ATG7: variants seen among roughly 807,000 people sequenced by gnomAD.
ATG7 encodes autophagy related 7.
In ATG7, 70 loss-of-function variants were observed where a neutral mutation model predicts 82.4. The observed-to-expected ratio is 0.85, with a 90% CI of 0.70 to 1.04. ATG7 has a LOEUF of 1.04. Among genes scored for constraint, ATG7 ranks in the 50% least tolerant of loss-of-function variants. The pLI is 0.00. For missense variants in ATG7, 792 were observed against 864.3 expected, an observed-to-expected ratio of 0.92 and a Z score of 1.05; for synonymous variants, 287 against 313.0, an observed-to-expected ratio of 0.92 and a Z score of 0.88.
the ATG7 span, among the ~76,000 whole-genome samples, chr3:11,566,906 G>A: frequency 2.0e-5 from 3 of 152,200 alleles, no homozygotes; most frequent in Non-Finnish European, 4.4e-5. Flanking sequence ...AAGAGAAGCA[G>A]CATATGGGTG....
intron 19 of ATG7, among the ~76,000 whole-genome samples, chr3:11,383,223 C>T (rs1282861562): frequency 6.6e-6 from 1 of 152,178 alleles, no homozygotes; most frequent in Non-Finnish European, 1.5e-5. Flanking sequence ...GTTGTCGTGT[C>T]TCTGGCTCCC....
chr3:11,430,141 C>T (rs1194730531), intron 20 of ATG7, among the ~76,000 whole-genome samples: 1 of 151,760 alleles, frequency 6.6e-6, no homozygotes, highest in Admixed American at 6.6e-5. Context: ...GCTTATAACC[C>T]GTCTTCAAAA....
intron 20 of ATG7, among the ~76,000 whole-genome samples, chr3:11,493,490 A>AC (rs944544061): frequency 8.5e-5 from 13 of 152,204 alleles, no homozygotes; most frequent in African/African-American, 2.9e-4. Context: ...AGAAGTTCTC[A>AC]CCCTGGGCCA....
chr3:11,430,385 T>A (rs1370403649), intron 20 of ATG7, among the ~76,000 whole-genome samples: 1 of 152,216 alleles, frequency 6.6e-6, no homozygotes, highest in Non-Finnish European at 1.5e-5. Flanking sequence ...TTTACATACT[T>A]GATTCTCAAT....
chr3:11,558,891 C>T, downstream of ATG7: 2 of 1,568,776 alleles, frequency 1.3e-6, no homozygotes, highest in Non-Finnish European at 8.7e-7. Flanking sequence ...GGCACGGTTG[C>T]AGCACCCTCC....
intron 20 of ATG7, among the ~76,000 whole-genome samples, chr3:11,461,646 T>G (rs778328728): frequency 1.3e-5 from 2 of 152,150 alleles, no homozygotes; most frequent in Non-Finnish European, 1.5e-5. Flanking sequence ...AAAATGGTAA[T>G]GTTTGTACTA....
chr3:11,364,747 G>C lies in ATG7; in HGVS notation c.1875+13G>C. The C allele has an allele frequency of 6.2e-7, 1 of 1,613,752 alleles. No homozygotes were observed. The highest frequency in any genetic ancestry group is 8.5e-7 in the Non-Finnish European group (1 of 1,179,658). On this transcript the variant is annotated intron_variant, in intron 18 of 20. Transcript: ENST00000693202. The stretch of plus-strand genomic sequence containing the variant: ...TGTGCCTCACCAGGTTAGTGATGTG[G>C]AAGTGAAATCACAATTCTTTTGGTA...
At chr3:11,455,887 T>C (rs1254569398) in intron 20 of ATG7, among the ~76,000 whole-genome samples, 4 of 152,256 alleles carry the variant, frequency 2.6e-5, no homozygotes, top group Non-Finnish European at 5.9e-5. Context: ...ACCTGTCTTA[T>C]GTTCTTTCAA....
intron 19 of ATG7, among the ~76,000 whole-genome samples, chr3:11,408,569 G>A (rs1205958067): frequency 2.0e-5 from 3 of 152,188 alleles, no homozygotes; most frequent in Admixed American, 1.3e-4. Context: ...ACAAAATTAA[G>A]AGGTTTATTG....
intron 20 of ATG7, among the ~76,000 whole-genome samples, chr3:11,442,121 G>A (rs563312642): frequency 3.3e-5 from 5 of 152,128 alleles, no homozygotes; most frequent in African/African-American, 1.2e-4. Flanking sequence ...TTCTTTCAAC[G>A]GTAACCTGTG....
chr3:11,528,971 A>T (rs1248998692), intron 20 of ATG7, among the ~76,000 whole-genome samples: 1 of 152,196 alleles, frequency 6.6e-6, no homozygotes, highest in African/African-American at 2.4e-5. Context: ...AGAGAGGTAC[A>T]GATAGGCTTT....
chr3:11,413,200 GT>G (rs1190115058), intron 19 of ATG7, among the ~76,000 whole-genome samples: 1 of 152,128 alleles, frequency 6.6e-6, no homozygotes, highest in African/African-American at 2.4e-5. Flanking sequence ...TTCTAGTACT[GT>G]GTTGAATAGA....
Position 11,299,417 on chromosome 3 carries a change from G to A in ATG7, c.215+1G>A. ...CATTGGAGTTCAGTGCTTTTGACAT[G>A]TGAGTATTTATTTGTTCAAAATCTG... On this transcript the variant is annotated splice_donor_variant, in intron 5 of 20. Coordinates refer to ENST00000693202, the MANE Select transcript of ATG7 (RefSeq NM_001349232.2). LOFTEE classifies it high-confidence loss of function. 6.2e-7 allele frequency: 1 copy of A among 1,608,224 alleles called. No homozygotes were observed. The highest frequency in any genetic ancestry group is 8.5e-7 in the Non-Finnish European group (1 of 1,174,694).
intron 9 of ATG7, 115 bp downstream of exon 9, chr3:11,315,608 G>A (rs897847431): frequency 3.1e-6 from 3 of 954,168 alleles, no homozygotes; most frequent in Non-Finnish European, 4.4e-6. Flanking sequence ...AGCCTTCAAA[G>A]GATGTTTAAG....
At chr3:11,574,484 TG>T in the ATG7 span, among the ~76,000 whole-genome samples, 1 of 152,040 alleles carries the variant, frequency 6.6e-6, no homozygotes, top group African/African-American at 2.4e-5. Context: ...TTCCAGAGGC[TG>T]GGAAGGGTAG....
intron 20 of ATG7, among the ~76,000 whole-genome samples, chr3:11,546,421 C>T (rs1341133518): frequency 6.6e-6 from 1 of 152,194 alleles, no homozygotes; most frequent in Non-Finnish European, 1.5e-5. Context: ...ATCCGCCTGA[C>T]TTGGCTTCCC....
chr3:11,490,080 TAA>T (rs2090188125), intron 20 of ATG7, among the ~76,000 whole-genome samples: 1 of 152,138 alleles, frequency 6.6e-6, no homozygotes, highest in Non-Finnish European at 1.5e-5. Flanking sequence ...AGTGGGGTGT[TAA>T]AGTCTCCCAT....
At chr3:11,539,912 T>G (rs1296451718) in intron 20 of ATG7, among the ~76,000 whole-genome samples, 1 of 152,214 alleles carries the variant, frequency 6.6e-6, no homozygotes, top group Non-Finnish European at 1.5e-5. Flanking sequence ...CTTGGTGCCT[T>G]TCTGTCGCTG....
chr3:11,315,631 T>C (rs1949292495), intron 9 of ATG7, 138 bp downstream of exon 9: 2 of 738,006 alleles, frequency 2.7e-6, no homozygotes, highest in African/African-American at 3.6e-5. Flanking sequence ...CATTTCCTTA[T>C]CTCTATCCTC....
Sources: allele counts gnomAD v4.1 joint callset (sites outside exome capture counted in the v4.1 genomes callset), GRCh38; gene constraint gnomAD v4.1.1; transcripts MANE v1.5; gene names NCBI Gene and HGNC (gene_info 2026-07-23, HGNC 2026-07-21).